The following GPC6 variants were observed in gnomAD, a reference collection of about 807,000 sequenced individuals.
The protein encoded by GPC6 is glypican-6.
A neutral mutation model predicts 55.2 loss-of-function variants in GPC6; 14 were observed. The observed-to-expected ratio is 0.25, with a 90% CI of 0.17 to 0.40. The LOEUF (loss-of-function observed/expected upper bound fraction) is 0.40, where lower values mean the gene tolerates loss of function less well. Among genes scored for constraint, GPC6 ranks in the 10% least tolerant of loss-of-function variants. The probability of loss-of-function intolerance (pLI) is 1.00; values close to 1 mark genes in which losing one functional copy is unlikely to be tolerated. For synonymous variants in GPC6, 278 were observed against 259.6 expected (o/e 1.07, Z -0.68); for missense variants, 641 against 708.5 (o/e 0.90, Z 1.08).
chr13:93,808,661 T>C (rs1886607088), intron 2 of GPC6, among the ~76,000 whole-genome samples: 1 of 152,196 alleles, frequency 6.6e-6, no homozygotes, highest in African/African-American at 2.4e-5. Flanking sequence ...AACACAGAAC[T>C]CCTATGGAAA....
chr13:94,028,201 G>C (rs1024186422), intron 4 of GPC6, among the ~76,000 whole-genome samples: 2 of 152,038 alleles, frequency 1.3e-5, no homozygotes, highest in Non-Finnish European at 2.9e-5. Flanking sequence ...GGAGGTTGAG[G>C]CTACAGTGAG....
chr13:93,716,424 A>G (rs1332281638), intron 2 of GPC6, among the ~76,000 whole-genome samples: 1 of 151,476 alleles, frequency 6.6e-6, no homozygotes, highest in African/African-American at 2.4e-5. Flanking sequence ...GGACAGTGAT[A>G]TTGATAATTC....
intron 2 of GPC6, among the ~76,000 whole-genome samples, chr13:93,817,566 T>C (rs1886896617): frequency 1.3e-5 from 2 of 152,152 alleles, no homozygotes; most frequent in Non-Finnish European, 2.9e-5. Context: ...TTAAAAAATA[T>C]AAGTAGTTTA....
chr13:93,758,446 C>G (rs1054009505), intron 2 of GPC6, among the ~76,000 whole-genome samples: 1 of 152,080 alleles, frequency 6.6e-6, no homozygotes, highest in African/African-American at 2.4e-5. Context: ...CTCTCTGTCT[C>G]TGGGATATCT....
At chr13:93,456,261 G>A (rs1878449661) in intron 1 of GPC6, among the ~76,000 whole-genome samples, 1 of 152,084 alleles carries the variant, frequency 6.6e-6, no homozygotes, top group South Asian at 2.1e-4. Context: ...ATGTAAATAT[G>A]AAAATGGCCT....
chr13:93,516,660 G>A (rs748434611), intron 1 of GPC6, among the ~76,000 whole-genome samples: 2 of 152,050 alleles, frequency 1.3e-5, no homozygotes, highest in Admixed American at 6.6e-5. Context: ...AACAACATGG[G>A]ATATCCTATC....
intron 1 of GPC6, among the ~76,000 whole-genome samples, chr13:93,240,636 T>G (rs1363393781): frequency 6.6e-6 from 1 of 152,150 alleles, no homozygotes; most frequent in East Asian, 1.9e-4. Flanking sequence ...ATCATTTATA[T>G]TCCAAGTTAA....
At chr13:93,416,979 C>T (rs1876723865) in intron 1 of GPC6, among the ~76,000 whole-genome samples, 1 of 152,116 alleles carries the variant, frequency 6.6e-6, no homozygotes, top group African/African-American at 2.4e-5. Flanking sequence ...TATGTGCTTT[C>T]ACCTTTGTCA....
intron 3 of GPC6, among the ~76,000 whole-genome samples, chr13:93,980,743 T>C (rs1402900520): frequency 1.3e-5 from 2 of 152,158 alleles, no homozygotes; most frequent in African/African-American, 4.8e-5. Context: ...TGTGTTTGGA[T>C]ATGGGGGTAC....
intron 3 of GPC6, among the ~76,000 whole-genome samples, chr13:93,874,081 G>C (rs1321661848): frequency 2.0e-5 from 3 of 151,840 alleles, no homozygotes; most frequent in African/African-American, 4.8e-5. Flanking sequence ...AGCTTCAGGG[G>C]TACATGTTCA....
At chr13:93,596,957 G>A (rs1303217084) in intron 2 of GPC6, among the ~76,000 whole-genome samples, 1 of 132,934 alleles carries the variant, frequency 7.5e-6, no homozygotes, top group Non-Finnish European at 1.5e-5. Flanking sequence ...CAAAACAAAA[G>A]CTAGCAGCCT....
At chr13:93,580,713 T>C (rs1876894569) in intron 2 of GPC6, among the ~76,000 whole-genome samples, 1 of 152,204 alleles carries the variant, frequency 6.6e-6, no homozygotes, top group Admixed American at 6.5e-5. Context: ...TTAGCATTTA[T>C]CTGACTTCAA....
At chr13:93,993,587 C>T (rs1273479511) in intron 3 of GPC6, among the ~76,000 whole-genome samples, 1 of 152,066 alleles carries the variant, frequency 6.6e-6, no homozygotes, top group East Asian at 1.9e-4. Context: ...TGAGCCAGTG[C>T]ACCCAGACTC....
Position 94,361,519 on chromosome 13 carries a change from C to G in GPC6, c.1153-20895C>G, listed in dbSNP as rs542027553. On this transcript the variant is annotated intron_variant, in intron 6 of 8. Transcript: ENST00000377047. Reference sequence around the variant, plus strand: ...CACAGTAGGTTTGCATTAGATGTTTCTTGAAGTGAATGGGCATTGCCACTA... The same window carrying G: ...CACAGTAGGTTTGCATTAGATGTTTGTTGAAGTGAATGGGCATTGCCACTA... 9.2e-5 allele frequency among the ~76,000 whole-genome samples: 14 copies of G among 152,338 alleles called. No individual in the cohort carries two copies. The East Asian group carries it at 2.7e-3, about 29-fold the overall frequency.
At chr13:93,745,694 A>G (rs1884374361) in intron 2 of GPC6, among the ~76,000 whole-genome samples, 1 of 152,224 alleles carries the variant, frequency 6.6e-6, no homozygotes, top group Non-Finnish European at 1.5e-5. Context: ...CAGGATCAGG[A>G]GGGTAAGCAA....
At chr13:94,271,368 GCGCGCGCGCGCGCGCACACACACACACA>G (rs770714765) in intron 4 of GPC6, among the ~76,000 whole-genome samples, 11,519 of 88,840 alleles carry the variant, frequency 0.13, 617 homozygotes, top group Non-Finnish European at 0.17. Flanking sequence ...ACACACACAC[GCGCGCGCGCGCGCGCACACACACACACA>G]CACACACACA....
intron 3 of GPC6, among the ~76,000 whole-genome samples, chr13:93,951,996 A>G (rs1235914271): frequency 2.0e-5 from 3 of 152,158 alleles, no homozygotes; most frequent in Non-Finnish European, 4.4e-5. Context: ...ATGCTAGTTG[A>G]TGGCTCTGTT....
chr13:94,084,151 A>AAT (rs1885202463), intron 4 of GPC6, among the ~76,000 whole-genome samples: 1 of 152,230 alleles, frequency 6.6e-6, no homozygotes, highest in South Asian at 2.1e-4. Flanking sequence ...TGTTAATGAA[A>AAT]ATATGTGTAG....
chr13:93,510,985 G>GTATATATATA (rs1880942460), intron 1 of GPC6, among the ~76,000 whole-genome samples: 4 of 36,812 alleles, frequency 1.1e-4, no homozygotes, highest in South Asian at 1.4e-3. Context: ...ATATATATAT[G>GTATATATATA]TGTATATATA....
Sources: gnomAD v4.1 joint callset for allele counts (sites outside exome capture counted in the v4.1 genomes callset) on GRCh38, gnomAD v4.1.1 for gene constraint, MANE v1.5 for transcripts, NCBI Gene and HGNC (gene_info 2026-07-23, HGNC 2026-07-21) for gene names.